KLHL5: variants seen among roughly 807,000 people sequenced by gnomAD.
The protein encoded by KLHL5 is kelch-like protein 5.
KLHL5 carries 48 observed loss-of-function variants against 77.7 expected under a neutral mutation model. That is an observed-to-expected ratio of 0.62 (90% CI 0.49 to 0.79). The LOEUF (loss-of-function observed/expected upper bound fraction) is 0.79. Ranked by LOEUF, KLHL5 falls within the 30% of genes least tolerant of loss-of-function variation. The pLI, the probability that KLHL5 is intolerant of heterozygous loss-of-function variation, is 0.00. For synonymous variants in KLHL5, 260 were observed against 297.0 expected, an observed-to-expected ratio of 0.88 and a Z score of 1.28; for missense variants, 723 against 859.7, an observed-to-expected ratio of 0.84 and a Z score of 1.99.
In KLHL5 at chr4:39,081,935, G is replaced by A. The variant is rs756733327; in HGVS notation, c.704-28G>A. ...AAAATAAGGTTAATGTAGTTCCATGGCTAATGGAATTTCTTTTTATCATTA... is the reference window on the plus strand; with the variant it reads ...AAAATAAGGTTAATGTAGTTCCATGACTAATGGAATTTCTTTTTATCATTA... On this transcript the variant is annotated intron_variant, in intron 3 of 10. Coordinates refer to ENST00000504108, the MANE Select transcript of KLHL5 (RefSeq NM_015990.5). This position sits in a 1 kb window ranked among gnomAD's most constrained non-coding sequence, Gnocchi z 4.3. The A allele has an allele frequency of 1.3e-6, 2 of 1,488,830 alleles. No individual in the cohort carries two copies. Among genetic ancestry groups the A allele is most frequent in the South Asian group, 1.3e-5 (1 of 78,384 alleles). 92.2% of individuals were successfully genotyped at this position (1,488,830 alleles called of 1,614,324 possible).
chr4:39,120,959 T>C (rs1336904452), intron 10 of KLHL5, 51 bp from the exon 11 acceptor site: 1 of 1,349,556 alleles, frequency 7.4e-7, no homozygotes, highest in South Asian at 1.2e-5. Context: ...GGCATAGTAG[T>C]GTTGACATTT....
At position 39,115,221 on chromosome 4, in the gene KLHL5, T is replaced by C; in HGVS notation, c.1964T>C (p.Val655Ala). 1 of 1,613,960 alleles carries C rather than the reference T, an allele frequency of 6.2e-7. No individual in the cohort carries two copies. The highest frequency in any genetic ancestry group is 8.5e-7 in the Non-Finnish European group (1 of 1,179,918). The change falls in exon 10 of 11, where the codon GTG (valine) becomes GCG (alanine). Residue 655 changes from valine (V) to alanine (A), a missense_variant. Coordinates refer to ENST00000504108, the MANE Select transcript of KLHL5 (RefSeq NM_015990.5). ...VASMSISRDA[V>A]GVCLLGDKLY... ...TCCATGAGCATCAGCAGAGATGCAG[T>C]GGGGGTCTGTTTACTTGGTGATAAG...
At chr4:39,099,492 A>G (rs1026158329) in intron 6 of KLHL5, among the ~76,000 whole-genome samples, 4 of 152,086 alleles carry the variant, frequency 2.6e-5, no homozygotes, top group South Asian at 2.1e-4. Context: ...AGCTCATTCT[A>G]TTAATACTTC....
At chr4:39,119,908 A>C (rs1055455214) in intron 10 of KLHL5, among the ~76,000 whole-genome samples, 4 of 135,008 alleles carry the variant, frequency 3.0e-5, no homozygotes, top group Non-Finnish European at 5.0e-5. Flanking sequence ...GCTATCAATA[A>C]GTATGGTTTT....
chr4:39,044,859 C>T, upstream of KLHL5: 7 of 778,520 alleles, frequency 9.0e-6, no homozygotes, highest in Non-Finnish European at 1.1e-5. Context: ...ACTCGCCCGC[C>T]CCCTCCGGGG....
At chr4:39,091,842 G>GTGTTTTTT (rs1553891358) in intron 5 of KLHL5, among the ~76,000 whole-genome samples, 27 of 52,448 alleles carry the variant, frequency 5.1e-4, no homozygotes, top group South Asian at 8.6e-4. Flanking sequence ...CATCTGACTA[G>GTGTTTTTT]TTTTTTTTTT....
chr4:39,083,339 G>T (rs1417648759), intron 4 of KLHL5, among the ~76,000 whole-genome samples: 1 of 152,088 alleles, frequency 6.6e-6, no homozygotes, highest in Non-Finnish European at 1.5e-5. Context: ...TTCCATTGTT[G>T]TCATCATCAT....
At chr4:39,107,039 C>CTTTTTTTTTTTTTTTTT (rs1196755781) in intron 7 of KLHL5, among the ~76,000 whole-genome samples, 1 of 127,768 alleles carries the variant, frequency 7.8e-6, no homozygotes, top group African/African-American at 2.8e-5. Context: ...GCCTCTAGAA[C>CTTTTTTTTTTTTTTTTT]TTTTTTTTTT....
At chr4:39,075,911 A>ATCTTTCCTATTAAG in intron 1 of KLHL5, 54 bp from the exon 2 acceptor site, 1 of 1,451,144 alleles carries the variant, frequency 6.9e-7, no homozygotes, top group Non-Finnish European at 9.5e-7. Flanking sequence ...AATAGGAAAG[A>ATCTTTCCTATTAAG]TCTTTTTAAT....
the KLHL5 span, among the ~76,000 whole-genome samples, chr4:39,140,138 A>G: frequency 1.3e-5 from 2 of 152,112 alleles, no homozygotes; most frequent in African/African-American, 2.4e-5. Context: ...CTGGGGCAGG[A>G]GGATTGCTTG....
chr4:39,077,715 AACAAAC>A (rs1719207204), intron 2 of KLHL5, among the ~76,000 whole-genome samples: 1 of 150,732 alleles, frequency 6.6e-6, no homozygotes. Flanking sequence ...AAAAACAAAA[AACAAAC>A]AAACAAAAAA....
chr4:39,114,157 T>G (rs1282775680), intron 9 of KLHL5, among the ~76,000 whole-genome samples: 1 of 152,214 alleles, frequency 6.6e-6, no homozygotes, highest in Non-Finnish European at 1.5e-5. Context: ...CAGGACTGAT[T>G]AATTTATAAA....
intron 1 of KLHL5, among the ~76,000 whole-genome samples, chr4:39,046,380 C>T (rs760657790): frequency 1.1e-4 from 17 of 152,112 alleles, no homozygotes; most frequent in Non-Finnish European, 1.8e-4. Flanking sequence ...AGATCCTGTA[C>T]TAGAGATGAG....
At chr4:39,114,152 CT>C (rs984681056) in intron 9 of KLHL5, among the ~76,000 whole-genome samples, 81 of 152,218 alleles carry the variant, frequency 5.3e-4, no homozygotes, top group African/African-American at 1.7e-3. Flanking sequence ...ATATCCAGGA[CT>C]GATTAATTTA....
In KLHL5 at chr4:39,086,627, T is replaced by C. The variant is rs372986724; in HGVS notation, c.1013T>C (p.Leu338Ser). ...AACATTCCTAATGAGGAGACAATAT[T>C]GAATGCACTTCTTACTTGGGTCCGT... ...DMNIPNEETI[L>S]NALLTWVRHD... Residue 338 changes from leucine to serine, a missense_variant, in exon 5 of 11, where the codon TTG (leucine) becomes TCG (serine). Coordinates refer to ENST00000504108, the MANE Select transcript of KLHL5 (RefSeq NM_015990.5). 6.4e-5 allele frequency: 103 copies of C among 1,613,858 alleles called. No individual in the cohort carries two copies. Among genetic ancestry groups the C allele is most frequent in the Non-Finnish European group, 7.9e-5 (93 of 1,179,922 alleles).
intron 6 of KLHL5, 77 bp downstream of exon 6, chr4:39,096,955 A>G: frequency 1.7e-6 from 2 of 1,209,216 alleles, no homozygotes; most frequent in Non-Finnish European, 2.4e-6. Flanking sequence ...TGGCCAAAGA[A>G]CTCTTTGGAG....
At chr4:39,139,381 G>A in the KLHL5 span, among the ~76,000 whole-genome samples, 1,204 of 152,202 alleles carry the variant, frequency 7.9e-3, 16 homozygotes, top group African/African-American at 0.028. Context: ...GGGCACTAGG[G>A]GTTAGGGGAG....
chr4:39,098,327 A>G (rs1560430740), intron 6 of KLHL5, among the ~76,000 whole-genome samples: 2 of 151,526 alleles, frequency 1.3e-5, no homozygotes, highest in Non-Finnish European at 2.9e-5. Context: ...CAGTGATGCT[A>G]TCTCAGCTCA....
At chr4:39,136,797 T>C in the KLHL5 span, among the ~76,000 whole-genome samples, 1 of 152,144 alleles carries the variant, frequency 6.6e-6, no homozygotes, top group African/African-American at 2.4e-5. Context: ...CAGTGGCTAG[T>C]TAGCCAGGGC....
Sources: allele counts gnomAD v4.1 joint callset (sites outside exome capture counted in the v4.1 genomes callset), GRCh38; gene constraint gnomAD v4.1.1; non-coding constraint Gnocchi (gnomAD v3.1); transcripts MANE v1.5; gene names NCBI Gene and HGNC (gene_info 2026-07-23, HGNC 2026-07-21).